Variants in TDRD3 observed in about 807,000 individuals in gnomAD.
The protein encoded by TDRD3 is tudor domain-containing protein 3.
Under a neutral mutation model 86.7 loss-of-function variants are expected in TDRD3, and 45 were observed. The ratio of observed to expected loss-of-function variants is 0.52; its 90% confidence interval spans 0.41 to 0.67. TDRD3 has a LOEUF of 0.67. Ranked by LOEUF, TDRD3 falls within the 30% of genes least tolerant of loss-of-function variation. TDRD3 has a pLI of 0.00. For synonymous variants in TDRD3, 298 were observed against 301.7 expected (o/e 0.99, Z 0.13); for missense variants, 814 against 889.0 (o/e 0.92, Z 1.07).
chr13:60,505,558 A>G (rs1956918918), intron 8 of TDRD3, among the ~76,000 whole-genome samples: 1 of 152,254 alleles, frequency 6.6e-6, no homozygotes, highest in African/African-American at 2.4e-5. Flanking sequence ...TGAAGCAAGC[A>G]GCGGATCTCT....
At chr13:60,568,253 T>C (rs1958509814) in intron 13 of TDRD3, among the ~76,000 whole-genome samples, 1 of 152,164 alleles carries the variant, frequency 6.6e-6, no homozygotes, top group South Asian at 2.1e-4. Flanking sequence ...TAATGCTAAT[T>C]GACTTCTGAA....
Position 60,567,507 on chromosome 13 carries a change from A to G in TDRD3, c.2119-18A>G. 2 of 1,614,122 alleles carry G rather than the reference A, an allele frequency of 1.2e-6. No homozygotes were observed. Among genetic ancestry groups the G allele is most frequent in the Non-Finnish European group, 1.7e-6 (2 of 1,180,014 alleles). ...GGAGCCATTTTGAACATGTAAAATC[A>G]CTACTCTTTGCAAATAGGAGGAAGA... On this transcript the variant is annotated intron_variant, in intron 12 of 13. Transcript: ENST00000377881.
At chr13:60,481,602 T>C (rs1403453868) in intron 5 of TDRD3, among the ~76,000 whole-genome samples, 1 of 152,102 alleles carries the variant, frequency 6.6e-6, no homozygotes, top group Non-Finnish European at 1.5e-5. Context: ...ATTTGGTTCT[T>C]CTTTTTTTTG....
At chr13:60,439,060 T>C (rs1025054118) in intron 1 of TDRD3, among the ~76,000 whole-genome samples, 6 of 152,104 alleles carry the variant, frequency 3.9e-5, no homozygotes, top group African/African-American at 1.4e-4. Flanking sequence ...GACAGATGCA[T>C]GGCTGATTTG....
chr13:60,495,630 A>AT (rs1956696248), intron 8 of TDRD3, among the ~76,000 whole-genome samples: 1 of 151,954 alleles, frequency 6.6e-6, no homozygotes, highest in Non-Finnish European at 1.5e-5. Context: ...CACCCAGCTA[A>AT]TTTTTTGCAT....
intron 13 of TDRD3, among the ~76,000 whole-genome samples, chr13:60,568,046 C>T (rs1345163749): frequency 6.6e-6 from 1 of 152,032 alleles, no homozygotes; most frequent in Non-Finnish European, 1.5e-5. Flanking sequence ...AATGTGGCTA[C>T]TAGAAAATTT....
intron 12 of TDRD3, among the ~76,000 whole-genome samples, chr13:60,562,803 T>G (rs1288287083): frequency 6.6e-6 from 1 of 152,234 alleles, no homozygotes; most frequent in African/African-American, 2.4e-5. Context: ...ATTAAGTTTT[T>G]CTAAGTTTTT....
intron 12 of TDRD3, among the ~76,000 whole-genome samples, chr13:60,551,143 G>A (rs1188318772): frequency 6.6e-6 from 1 of 152,102 alleles, no homozygotes; most frequent in Non-Finnish European, 1.5e-5. Flanking sequence ...AGTTTAATGT[G>A]GTCAGTCTAA....
chr13:60,517,185 C>CTT (rs59969075), intron 10 of TDRD3, among the ~76,000 whole-genome samples: 9 of 143,828 alleles, frequency 6.3e-5, no homozygotes, highest in African/African-American at 1.8e-4. Flanking sequence ...TTTGTTTTTG[C>CTT]TTTTTTTTTT....
intron 4 of TDRD3, among the ~76,000 whole-genome samples, chr13:60,463,603 A>G (rs1357113074): frequency 6.6e-6 from 1 of 152,150 alleles, no homozygotes; most frequent in Non-Finnish European, 1.5e-5. Context: ...AATATTTGCA[A>G]ACTATCCATT....
intron 12 of TDRD3, among the ~76,000 whole-genome samples, chr13:60,543,620 C>G (rs1441287890): frequency 6.6e-6 from 1 of 152,018 alleles, no homozygotes; most frequent in Non-Finnish European, 1.5e-5. Context: ...AGATTTATCT[C>G]TGGAATACAT....
intron 1 of TDRD3, among the ~76,000 whole-genome samples, chr13:60,413,795 T>G (rs532311849): frequency 1.3e-5 from 2 of 152,148 alleles, no homozygotes; most frequent in Admixed American, 6.6e-5. Context: ...TTATATCTTA[T>G]GGATTTTTAA....
intron 8 of TDRD3, among the ~76,000 whole-genome samples, chr13:60,500,443 T>C (rs954273536): frequency 1.3e-5 from 2 of 152,016 alleles, no homozygotes; most frequent in African/African-American, 4.8e-5. Flanking sequence ...CTATGATCAG[T>C]TGACAGAGGA....
At chr13:60,567,177 T>C (rs1047634269) in intron 12 of TDRD3, among the ~76,000 whole-genome samples, 1 of 152,214 alleles carries the variant, frequency 6.6e-6, no homozygotes, top group South Asian at 2.1e-4. Context: ...TAATGCTTGC[T>C]TTTCTGTATG....
intron 8 of TDRD3, 170 bp from the exon 9 acceptor site, chr13:60,509,593 A>AG (rs1957014078): frequency 1.3e-6 from 1 of 793,192 alleles, no homozygotes. Flanking sequence ...CATATCATAC[A>AG]GATTCTTCCT....
rs548041109 is a variant in TDRD3, at chr13:60,500,043, C to T, written c.858+5468C>T. Among the ~76,000 whole-genome samples the T allele has an allele frequency of 1.3e-3, 201 of 152,278 alleles. 4 individuals carry two copies. Among genetic ancestry groups the T allele is most frequent in the South Asian group, 1.2e-3 (6 of 4,826 alleles). On this transcript the variant is annotated intron_variant, in intron 8 of 13. Coordinates refer to ENST00000377881, the MANE Select transcript of TDRD3 (RefSeq NM_001146070.2). ...ATGCTAGTTGGAGCCTTTCGCAGGC[C>T]GCCATAGGTGAATCACAGCAGAAGC...
chr13:60,424,683 TAAATAA>T (rs1205517883), intron 1 of TDRD3, among the ~76,000 whole-genome samples: 1 of 152,014 alleles, frequency 6.6e-6, no homozygotes, highest in Non-Finnish European at 1.5e-5. Context: ...TCTGAAAAAA[TAAATAA>T]AAATAAAGCA....
chr13:60,466,177 A>C (rs1480106293), intron 4 of TDRD3, among the ~76,000 whole-genome samples: 1 of 120,542 alleles, frequency 8.3e-6, no homozygotes, highest in Non-Finnish European at 1.7e-5. Context: ...GATGGTGAAC[A>C]AAAAAAGAGC....
chr13:60,428,238 T>C (rs931785873), intron 1 of TDRD3, among the ~76,000 whole-genome samples: 2 of 150,524 alleles, frequency 1.3e-5, no homozygotes, highest in Non-Finnish European at 3.0e-5. Flanking sequence ...TTATCTAGTA[T>C]GATTTTCTTA....
Sources: gnomAD v4.1 joint callset for allele counts (sites outside exome capture counted in the v4.1 genomes callset) on GRCh38, gnomAD v4.1.1 for gene constraint, MANE v1.5 for transcripts, NCBI Gene and HGNC (gene_info 2026-07-23, HGNC 2026-07-21) for gene names.